Variants in SS18L1 observed in about 807,000 individuals in gnomAD.
SS18L1 encodes the protein SS18L1 subunit of BAF chromatin remodeling complex.
A neutral mutation model predicts 70.3 loss-of-function variants in SS18L1; 32 were observed. The observed-to-expected ratio is 0.46, with a 90% CI of 0.34 to 0.61. The LOEUF (loss-of-function observed/expected upper bound fraction) is 0.61, where lower values mean the gene tolerates loss of function less well. Ranked by LOEUF, SS18L1 falls within the 20% of genes least tolerant of loss-of-function variation. The pLI is 0.01. For synonymous variants in SS18L1, 237 were observed against 229.7 expected, an observed-to-expected ratio of 1.03 and a Z score of -0.29; for missense variants, 430 against 542.1, an observed-to-expected ratio of 0.79 and a Z score of 2.05.
At chr20:62,177,582 AGAT>A (rs892265442) in intron 10 of SS18L1, among the ~76,000 whole-genome samples, 1 of 152,230 alleles carries the variant, frequency 6.6e-6, no homozygotes, top group Admixed American at 6.5e-5. Flanking sequence ...ACAGGCATGC[AGAT>A]GATGATCCGT....
chr20:62,151,767 C>A (rs55857674), intron 1 of SS18L1, among the ~76,000 whole-genome samples: 1 of 151,818 alleles, frequency 6.6e-6, no homozygotes, highest in Non-Finnish European at 1.5e-5. Flanking sequence ...AAGTCACCCC[C>A]ACAATGGGCA....
chr20:62,178,083 GAA>G (rs1369202991), intron 10 of SS18L1, among the ~76,000 whole-genome samples: 2 of 146,794 alleles, frequency 1.4e-5, no homozygotes, highest in Non-Finnish European at 3.0e-5. Flanking sequence ...GCATTGGCAG[GAA>G]CATGGCTCAC....
rs760181568 is a variant in SS18L1, at chr20:62,172,835, G to T, written c.1036+34G>T. On this transcript the variant is annotated intron_variant, in intron 9 of 10. Coordinates refer to ENST00000331758, the MANE Select transcript of SS18L1 (RefSeq NM_198935.3). ...CGAGCACGGTCCTCGGGGCCCCCCA[G>T]CGCCCACCCCTGCCCCTGCCACACA... is the stretch of plus-strand genomic sequence containing the variant. 2.8e-5 allele frequency: 45 copies of T among 1,604,438 alleles called. No homozygotes were observed. The Admixed American group carries it at 7.4e-4, about 26-fold the overall frequency.
At chr20:62,151,661 C>G (rs1326963356) in intron 1 of SS18L1, among the ~76,000 whole-genome samples, 1 of 152,184 alleles carries the variant, frequency 6.6e-6, no homozygotes, top group Non-Finnish European at 1.5e-5. Flanking sequence ...CACGCGGCTC[C>G]GGGAGGTTTG....
rs1156410537 is a variant in SS18L1, at chr20:62,181,834, G to A, written c.*2626G>A. 3.5e-5 allele frequency: 8 copies of A among 227,424 alleles called. No homozygotes were observed. The highest frequency in any genetic ancestry group is 2.3e-4 in the Admixed American group (4 of 17,554). The allele number at this position is 227,424 out of a possible 1,614,324, so 14.1% of individuals were successfully genotyped here. On this transcript the variant is annotated 3_prime_UTR_variant, in exon 11 of 11. Transcript: ENST00000331758. ...TTGTTTGTGAAGTGTGGTTGATGGT[G>A]CTTTGTTTTTTTCTGACTACTTCTA...
rs755688805 is a variant in SS18L1 at position 62,158,930 on chromosome 20, C to T, written c.146+182C>T. The T allele has an allele frequency of 2.4e-5, 39 of 1,591,994 alleles. 1 individual carries two copies. The highest frequency in any genetic ancestry group is 3.3e-5 in the Non-Finnish European group (39 of 1,172,570). On this transcript the variant is annotated intron_variant, in intron 2 of 10. Coordinates refer to ENST00000331758, the MANE Select transcript of SS18L1 (RefSeq NM_198935.3). The surrounding 1 kb of genome is among the most constrained non-coding windows in gnomAD (Gnocchi z 4.5). ...AGAGGCCAGATATGTCCCAGGAGTC[C>T]CCCAGCACGGAGGTCAGATATGTCC...
intron 8 of SS18L1, among the ~76,000 whole-genome samples, chr20:62,166,977 C>T (rs570009303): frequency 3.3e-5 from 5 of 150,616 alleles, no homozygotes; most frequent in African/African-American, 1.2e-4. Context: ...TGGTGGCTTA[C>T]GCCTGTAATC....
At chr20:62,147,682 G>A (rs1263765449) in intron 1 of SS18L1, among the ~76,000 whole-genome samples, 1 of 152,164 alleles carries the variant, frequency 6.6e-6, no homozygotes, top group Admixed American at 6.5e-5. Context: ...CTGAGGGAAT[G>A]GGATGGAGCT....
chr20:62,179,225 C>T lies in SS18L1; in HGVS notation c.*17C>T. 1 of 1,614,148 alleles carries T rather than the reference C, an allele frequency of 6.2e-7. No homozygotes were observed. The highest frequency in any genetic ancestry group is 8.5e-7 in the Non-Finnish European group (1 of 1,179,992). On this transcript the variant is annotated 3_prime_UTR_variant, in exon 11 of 11. Transcript: ENST00000331758. ...CAGCAGTAAGGGACACACATTCTGG[C>T]TGGAGCCCTTGTGGTAGCGTGTTCA...
chr20:62,156,663 A>C (rs1302960304), intron 1 of SS18L1, among the ~76,000 whole-genome samples: 2 of 152,146 alleles, frequency 1.3e-5, no homozygotes, highest in East Asian at 3.9e-4. Flanking sequence ...GGCTCTCTCC[A>C]CCCTGGGCTC....
intron 8 of SS18L1, among the ~76,000 whole-genome samples, chr20:62,166,944 TAAAA>T (rs765345636): frequency 1.4e-4 from 20 of 141,734 alleles, no homozygotes; most frequent in South Asian, 2.3e-4. Context: ...TAAAAAGAAA[TAAAA>T]AAAAGAAATG....
chr20:62,166,307 G>A (rs1417975302), intron 8 of SS18L1, among the ~76,000 whole-genome samples: 1 of 152,272 alleles, frequency 6.6e-6, no homozygotes, highest in Non-Finnish European at 1.5e-5. Context: ...GCAGGCAGCA[G>A]TGGCTGAGGC....
rs527410839 is a variant in SS18L1 at position 62,154,453 on chromosome 20, G to A, written c.70-4219G>A. On this transcript the variant is annotated intron_variant, in intron 1 of 10. Coordinates refer to ENST00000331758, the MANE Select transcript of SS18L1 (RefSeq NM_198935.3). ...CTCAGGATCAGACCGTAGCCCTTCC[G>A]GAAACCTCCATGGTGAGTTCATCTC... 82 of 1,032,372 alleles carry A rather than the reference G, an allele frequency of 7.9e-5. No homozygotes were observed. In the South Asian group the frequency reaches 2.0e-3, roughly 25 times the overall value. The allele number at this position is 1,032,372 out of a possible 1,614,324, so 64.0% of individuals were successfully genotyped here. A position where few individuals can be genotyped will look rare whatever the true frequency, so the allele number is the denominator to read the frequency against.
intron 10 of SS18L1, among the ~76,000 whole-genome samples, chr20:62,178,141 C>CTTTTT (rs61157167): frequency 9.2e-5 from 9 of 97,820 alleles, no homozygotes; most frequent in African/African-American, 1.9e-4. Context: ...GTGGCTTATT[C>CTTTTT]TTTTTTTTTT....
rs371971974 is a variant in SS18L1 at position 62,158,516 on chromosome 20, A to G, written c.70-156A>G. ...GGGATGCCAAACCGGTGGGTCTAAT[A>G]CAGATATCCCCAAATCTGGAAAAAT... On this transcript the variant is annotated intron_variant, in intron 1 of 10. Coordinates refer to ENST00000331758, the MANE Select transcript of SS18L1 (RefSeq NM_198935.3). This position sits in a 1 kb window ranked among gnomAD's most constrained non-coding sequence, Gnocchi z 4.5. Among the ~76,000 whole-genome samples the G allele has an allele frequency of 1.8e-4, 28 of 152,306 alleles. No homozygotes were observed. Among genetic ancestry groups the G allele is most frequent in the African/African-American group, 6.0e-4 (25 of 41,574 alleles).
Position 62,172,742 on chromosome 20 carries a change from C to G in SS18L1, c.977C>G (p.Thr326Arg), listed in dbSNP as rs539707810. Residue 326 changes from threonine (T) to arginine (R), a missense_variant, in exon 9 of 11, where the codon ACG becomes AGG. Transcript: ENST00000331758. Reference sequence around the variant, plus strand: ...CAGCAGGGTGCCGCGCAGCAGCAGACGTACTCCCAGCAGCAGTACCCCAGC... The same window carrying G: ...CAGCAGGGTGCCGCGCAGCAGCAGAGGTACTCCCAGCAGCAGTACCCCAGC... ...GYQQGAAQQQ[T>R]YSQQQYPSQQ... 2 of 1,614,010 alleles carry G rather than the reference C, an allele frequency of 1.2e-6. No individual in the cohort carries two copies. Among genetic ancestry groups the G allele is most frequent in the South Asian group, 2.2e-5 (2 of 91,082 alleles).
intron 9 of SS18L1, 97 bp downstream of exon 9, chr20:62,172,898 C>G: frequency 6.4e-7 from 1 of 1,563,026 alleles, no homozygotes; most frequent in Admixed American, 1.8e-5. Context: ...CAGAGCTACC[C>G]TGGGCAGCAG....
Position 62,161,591 on chromosome 20 carries a change from C to T in SS18L1, c.376+11C>T, listed in dbSNP as rs376341258. ...GCCAGATTGGCAACGGTGAGTGCGGCGGGGGAGGAGGACGTTCCTGGCTAC... is the reference window on the plus strand; with the variant it reads ...GCCAGATTGGCAACGGTGAGTGCGGTGGGGGAGGAGGACGTTCCTGGCTAC... On this transcript the variant is annotated intron_variant, in intron 4 of 10. Transcript: ENST00000331758. This position sits in a 1 kb window ranked among gnomAD's most constrained non-coding sequence, Gnocchi z 4.4. 4.3e-5 allele frequency: 69 copies of T among 1,598,594 alleles called. No individual in the cohort carries two copies. In the Middle Eastern group the frequency reaches 6.7e-4, roughly 16 times the overall value.
At position 62,147,054 on chromosome 20, in the gene SS18L1, G is replaced by T. The variant is rs538117147; in HGVS notation, c.69+3165G>T. Among the ~76,000 whole-genome samples, 211 of 152,320 alleles carry T rather than the reference G, an allele frequency of 1.4e-3. 2 individuals carry two copies. Among genetic ancestry groups the T allele is most frequent in the Non-Finnish European group, 1.1e-3 (74 of 68,030 alleles). The stretch of plus-strand genomic sequence containing the variant: ...TACCTCCCATGCGCAGGCACCAGGG[G>T]TCTGGGTACAGTTTAGCCCACGAGA... On this transcript the variant is annotated intron_variant, in intron 1 of 10. Coordinates refer to ENST00000331758, the MANE Select transcript of SS18L1 (RefSeq NM_198935.3).
Sources: gnomAD v4.1 joint callset for allele counts (sites outside exome capture counted in the v4.1 genomes callset) on GRCh38, gnomAD v4.1.1 for gene constraint, Gnocchi (gnomAD v3.1) non-coding constraint, MANE v1.5 for transcripts, NCBI Gene and HGNC (gene_info 2026-07-23, HGNC 2026-07-21) for gene names.